Variants in KCNT2 observed in about 807,000 individuals in gnomAD.
The protein encoded by KCNT2 is potassium sodium-activated channel subfamily T member 2, also known as potassium channel subfamily T member 2.
In KCNT2, 67 loss-of-function variants were observed where a neutral mutation model predicts 153.8. That is an observed-to-expected ratio of 0.44 (90% confidence interval 0.36 to 0.53). The LOEUF (loss-of-function observed/expected upper bound fraction) is 0.53, where lower values mean the gene tolerates loss of function less well. Ranked by LOEUF, KCNT2 falls within the 20% of genes least tolerant of loss-of-function variation. The pLI is 0.00. For missense variants in KCNT2, 975 were observed against 1,354.8 expected (o/e 0.72, Z 4.40); for synonymous variants, 500 against 458.8 (o/e 1.09, Z -1.15).
chr1:196,562,681 A>G (rs576131840), intron 1 of KCNT2, among the ~76,000 whole-genome samples: 82 of 151,782 alleles, frequency 5.4e-4, no homozygotes, highest in Non-Finnish European at 8.4e-4. Flanking sequence ...ATTGATTACT[A>G]CAGTAAGGTT....
chr1:196,273,799 A>G (rs965385898), intron 25 of KCNT2, among the ~76,000 whole-genome samples: 1 of 151,756 alleles, frequency 6.6e-6, no homozygotes, highest in Non-Finnish European at 1.5e-5. Context: ...TTTGGAATTT[A>G]CAAGATTTAT....
intron 25 of KCNT2, among the ~76,000 whole-genome samples, chr1:196,277,665 A>C (rs1354069898): frequency 2.0e-5 from 3 of 152,168 alleles, no homozygotes; most frequent in African/African-American, 7.2e-5. Context: ...CTAATTCCTG[A>C]AATCTAGTGT....
intron 1 of KCNT2, among the ~76,000 whole-genome samples, chr1:196,552,809 A>G (rs1003920183): frequency 2.6e-5 from 4 of 151,266 alleles, no homozygotes; most frequent in Non-Finnish European, 5.9e-5. Flanking sequence ...AGTTTTTTTC[A>G]TGTGTCTTTG....
intron 1 of KCNT2, among the ~76,000 whole-genome samples, chr1:196,519,870 A>G (rs1269676980): frequency 6.6e-6 from 1 of 152,200 alleles, no homozygotes; most frequent in Non-Finnish European, 1.5e-5. Flanking sequence ...CAGATGTACA[A>G]GGAAGATCTA....
intron 1 of KCNT2, among the ~76,000 whole-genome samples, chr1:196,597,173 A>T (rs900411855): frequency 2.0e-5 from 3 of 152,160 alleles, no homozygotes; most frequent in Non-Finnish European, 4.4e-5. Context: ...ATTCTATTAT[A>T]GTATCTATTG....
At chr1:196,548,719 A>G (rs915087899) in intron 1 of KCNT2, among the ~76,000 whole-genome samples, 1 of 152,078 alleles carries the variant, frequency 6.6e-6, no homozygotes, top group Non-Finnish European at 1.5e-5. Context: ...TGTTTATTGC[A>G]GCACTATTCA....
chr1:196,348,063 G>T (rs929118727), intron 14 of KCNT2, among the ~76,000 whole-genome samples: 1 of 152,074 alleles, frequency 6.6e-6, no homozygotes, highest in African/African-American at 2.4e-5. Context: ...TTTGTTAAAT[G>T]AACAAAGAAT....
At chr1:196,370,625 A>G (rs1668443780) in intron 14 of KCNT2, among the ~76,000 whole-genome samples, 1 of 152,098 alleles carries the variant, frequency 6.6e-6, no homozygotes, top group Non-Finnish European at 1.5e-5. Flanking sequence ...ATGATAATCA[A>G]AGTGCTATTG....
intron 1 of KCNT2, among the ~76,000 whole-genome samples, chr1:196,545,485 C>G (rs1656955270): frequency 6.6e-6 from 1 of 151,928 alleles, no homozygotes; most frequent in Non-Finnish European, 1.5e-5. Flanking sequence ...CTAAGCAAGT[C>G]CAAATAGGAA....
chr1:196,400,924 C>T (rs1671355992), intron 12 of KCNT2, among the ~76,000 whole-genome samples: 2 of 151,740 alleles, frequency 1.3e-5, no homozygotes, highest in Non-Finnish European at 2.9e-5. Context: ...GACCTGAGGG[C>T]AGCTGTGGTT....
At chr1:196,504,682 C>A (rs995419274) in intron 1 of KCNT2, among the ~76,000 whole-genome samples, 1 of 152,152 alleles carries the variant, frequency 6.6e-6, no homozygotes, top group Non-Finnish European at 1.5e-5. Flanking sequence ...AATGGTTGAA[C>A]TAGTTTATAG....
At chr1:196,321,309 T>G (rs1265932605) in intron 19 of KCNT2, among the ~76,000 whole-genome samples, 2 of 151,974 alleles carry the variant, frequency 1.3e-5, no homozygotes, top group East Asian at 3.9e-4. Context: ...GGGGCAACAC[T>G]GGGCTGTTGC....
In KCNT2 at chr1:196,500,041, G is replaced by A. The variant is rs569437366; in HGVS notation, c.96-7700C>T. On this transcript the variant is annotated intron_variant, in intron 1 of 27. Coordinates refer to ENST00000294725, the MANE Select transcript of KCNT2 (RefSeq NM_198503.5). ...TGCCTGTAATCCCAGCTACTTGGGA[G>A]ACAGAGGCAGAAGAATCACTTGAAC... 9.9e-5 allele frequency among the ~76,000 whole-genome samples: 15 copies of A among 152,032 alleles called. No homozygotes were observed. The East Asian group carries it at 2.9e-3, about 29-fold the overall frequency.
intron 1 of KCNT2, among the ~76,000 whole-genome samples, chr1:196,518,969 C>A (rs554438878): frequency 7.2e-5 from 11 of 152,136 alleles, no homozygotes; most frequent in African/African-American, 2.7e-4. Flanking sequence ...AACTCTCTAC[C>A]CAAAAACAAC....
chr1:196,444,583 CT>C (rs1380474499), intron 8 of KCNT2, among the ~76,000 whole-genome samples: 1 of 151,352 alleles, frequency 6.6e-6, no homozygotes, highest in Non-Finnish European at 1.5e-5. Context: ...AAAAAGTCAA[CT>C]GTAAAATGCA....
intron 5 of KCNT2, among the ~76,000 whole-genome samples, chr1:196,474,293 C>T (rs769379956): frequency 7.2e-5 from 11 of 152,056 alleles, no homozygotes; most frequent in Non-Finnish European, 1.2e-4. Context: ...AGCCAAGGAA[C>T]ATTTTGTAAA....
intron 26 of KCNT2, among the ~76,000 whole-genome samples, chr1:196,241,223 C>A (rs966367076): frequency 2.0e-5 from 3 of 151,176 alleles, no homozygotes; most frequent in Non-Finnish European, 3.0e-5. Context: ...TTTGTTAGTA[C>A]AAGAAATACC....
chr1:196,377,591 C>G (rs923712987), intron 13 of KCNT2, among the ~76,000 whole-genome samples: 3 of 151,906 alleles, frequency 2.0e-5, no homozygotes, highest in African/African-American at 7.2e-5. Context: ...TTCACAGCAC[C>G]TTGCTGATTT....
intron 25 of KCNT2, among the ~76,000 whole-genome samples, chr1:196,261,530 C>T (rs1438423683): frequency 3.3e-5 from 5 of 151,384 alleles, no homozygotes; most frequent in South Asian, 4.1e-4. Context: ...GAAAATAATA[C>T]GAAATAATTA....
Sources: allele counts gnomAD v4.1 joint callset (sites outside exome capture counted in the v4.1 genomes callset), GRCh38; gene constraint gnomAD v4.1.1; transcripts MANE v1.5; gene names NCBI Gene and HGNC (gene_info 2026-07-23, HGNC 2026-07-21).